The following SYNE2 variants were observed in gnomAD, a reference collection of about 807,000 sequenced individuals.
SYNE2 encodes spectrin repeat containing nuclear envelope protein 2.
Under a neutral mutation model 856.3 loss-of-function variants are expected in SYNE2, and 431 were observed. The ratio of observed to expected loss-of-function variants is 0.50; its 90% CI spans 0.47 to 0.55. The LOEUF (loss-of-function observed/expected upper bound fraction) is 0.55. Among genes scored for constraint, SYNE2 ranks in the 20% least tolerant of loss-of-function variants. The pLI is 0.00. For synonymous variants in SYNE2, 2,923 were observed against 2,872.3 expected, an observed-to-expected ratio of 1.02 and a Z score of -0.56; for missense variants, 8,129 against 8,023.2, an observed-to-expected ratio of 1.01 and a Z score of -0.50.
intron 103 of SYNE2, 105 bp from the exon 104 acceptor site, chr14:64,211,856 G>A: frequency 6.5e-7 from 1 of 1,536,634 alleles, no homozygotes; most frequent in Non-Finnish European, 9.0e-7. Context: ...ATTTCTCCCT[G>A]AGTATTCTGG....
At chr14:63,783,022 A>C (rs1805365403) in intron 1 of SYNE2, among the ~76,000 whole-genome samples, 1 of 152,120 alleles carries the variant, frequency 6.6e-6, no homozygotes, top group Admixed American at 6.5e-5. Context: ...TCCTGATAAA[A>C]TGCTTTAAGA....
At chr14:64,085,241 T>A (rs942892200) in intron 57 of SYNE2, among the ~76,000 whole-genome samples, 1 of 152,204 alleles carries the variant, frequency 6.6e-6, no homozygotes, top group East Asian at 1.9e-4. Context: ...CCTGGCTAAT[T>A]TCTAAATTTT....
intron 11 of SYNE2, among the ~76,000 whole-genome samples, chr14:63,976,057 T>C (rs2096540248): frequency 6.6e-6 from 1 of 152,132 alleles, no homozygotes; most frequent in Non-Finnish European, 1.5e-5. Flanking sequence ...GGAGGAGATG[T>C]ACTTGGATTT....
At chr14:64,221,816 G>C (rs2098695623) in intron 112 of SYNE2, 112 bp downstream of exon 112, 3 of 1,282,742 alleles carry the variant, frequency 2.3e-6, no homozygotes, top group Non-Finnish European at 3.4e-6. Flanking sequence ...AGTGGTGTTT[G>C]CCTGTAAATG....
At chr14:63,990,807 T>A (rs1055735020) in intron 20 of SYNE2, 135 bp from the exon 21 acceptor site, 1 of 806,954 alleles carries the variant, frequency 1.2e-6, no homozygotes. Context: ...GATTTATAAT[T>A]TAGATAGATT....
chr14:63,887,118 T>TA (rs1170189112), intron 1 of SYNE2, among the ~76,000 whole-genome samples: 2 of 152,122 alleles, frequency 1.3e-5, no homozygotes, highest in Non-Finnish European at 2.9e-5. Context: ...CCGTCTCTAC[T>TA]AAAAATACAA....
rs776756586 is a variant in SYNE2 at position 64,031,012 on chromosome 14, G to A, written c.6880-4G>A. 1.8e-5 allele frequency: 29 copies of A among 1,609,458 alleles called. No homozygotes were observed. The highest frequency in any genetic ancestry group is 5.5e-5 in the South Asian group (5 of 90,816). Reference sequence around the variant, plus strand: ...AGATATAACAATCTTTTCTCCACTCGTAGGAACTAGAGAATAGACTCAGTT... The same window carrying A: ...AGATATAACAATCTTTTCTCCACTCATAGGAACTAGAGAATAGACTCAGTT... On this transcript the variant is annotated splice_polypyrimidine_tract_variant and splice_region_variant and intron_variant, in intron 44 of 115. Transcript: ENST00000555002.
chr14:63,896,098 G>A (rs2095248253), intron 1 of SYNE2, among the ~76,000 whole-genome samples: 1 of 152,138 alleles, frequency 6.6e-6, no homozygotes, highest in Non-Finnish European at 1.5e-5. Context: ...CTAGAGATCG[G>A]CTGTAGCAGC....
At chr14:64,035,655 C>T (rs1206750744) in intron 45 of SYNE2, among the ~76,000 whole-genome samples, 1 of 151,618 alleles carries the variant, frequency 6.6e-6, no homozygotes, top group Non-Finnish European at 1.5e-5. Context: ...AATTGAAGTC[C>T]AGCAGAGCTG....
chr14:63,938,789 A>T (rs556313676), intron 2 of SYNE2, among the ~76,000 whole-genome samples: 238 of 152,292 alleles, frequency 1.6e-3, no homozygotes, highest in Non-Finnish European at 2.9e-3. Context: ...GATTTTGCTG[A>T]TGGCACACCA....
At position 64,212,955 on chromosome 14, in the gene SYNE2, G is replaced by A. The variant is rs776332118; in HGVS notation, c.19006G>A (p.Val6336Met). The change falls in exon 105 of 116, where the codon GTG becomes ATG. Residue 6336 changes from valine to methionine, a missense_variant. Physicochemically the swap from Val to Met is conservative, Grantham distance 21 (BLOSUM62 1). Around this residue, in one of 3 missense-constraint regions of SYNE2, gnomAD observed 5,410 missense variants for 5,284.8 expected, o/e 1.02. Transcript: ENST00000555002. ...LEELHRYCQE[V>M]FGRVSRFHRR... ...GGAACTCCACCGCTACTGCCAGGAG[G>A]TGTTTGGAAGGGTCTCCCGGTTCCA... 6.2e-7 allele frequency: 1 copy of A among 1,614,200 alleles called. No individual in the cohort carries two copies. Among genetic ancestry groups the A allele is most frequent in the Non-Finnish European group, 8.5e-7 (1 of 1,180,038 alleles).
intron 91 of SYNE2, 39 bp from the exon 92 acceptor site, chr14:64,167,456 A>G (rs1264038919): frequency 6.2e-7 from 1 of 1,614,110 alleles, no homozygotes; most frequent in African/African-American, 1.3e-5. Context: ...CGGGAATGGC[A>G]TTGTTAACAT....
At position 63,948,780 on chromosome 14, in the gene SYNE2, G is replaced by GTATA. The variant is rs1432911343; in HGVS notation, c.409-1044_409-1043insATAT. Among the ~76,000 whole-genome samples, 35 of 81,958 alleles carry GTATA rather than the reference G, an allele frequency of 4.3e-4. 1 individual carries two copies. The highest frequency in any genetic ancestry group is 1.1e-3 in the East Asian group (3 of 2,826). The allele number at this position is 81,958 out of a possible 152,430, so 53.8% of individuals were successfully genotyped here. ...TATATGTATATATATGTATGTGTGT[G>GTATA]TGTATATATATATATATATATATAT... is the stretch of plus-strand genomic sequence containing the variant. On this transcript the variant is annotated intron_variant, in intron 6 of 115. Coordinates refer to ENST00000555002, the MANE Select transcript of SYNE2 (RefSeq NM_182914.3).
chr14:63,923,479 C>T (rs1369769036), intron 2 of SYNE2, among the ~76,000 whole-genome samples: 1 of 152,232 alleles, frequency 6.6e-6, no homozygotes, highest in East Asian at 1.9e-4. Context: ...CAAACTCCTG[C>T]TCCCTCCTTC....
intron 57 of SYNE2, among the ~76,000 whole-genome samples, chr14:64,086,380 A>T (rs1210285023): frequency 6.6e-6 from 1 of 152,194 alleles, no homozygotes; most frequent in Admixed American, 6.5e-5. Flanking sequence ...TTTCACCAAT[A>T]TGACAGTCTT....
At chr14:63,783,094 A>G (rs1244428753) in intron 1 of SYNE2, among the ~76,000 whole-genome samples, 3 of 152,088 alleles carry the variant, frequency 2.0e-5, no homozygotes, top group Admixed American at 2.0e-4. Flanking sequence ...TGTAATCCCC[A>G]TAATCCTCTT....
intron 57 of SYNE2, among the ~76,000 whole-genome samples, chr14:64,085,775 A>G (rs1442752760): frequency 6.6e-6 from 1 of 152,108 alleles, no homozygotes; most frequent in Non-Finnish European, 1.5e-5. Flanking sequence ...AATTTTGAGC[A>G]TTTATTTATG....
chr14:64,155,243 A>C (rs1408245920), intron 85 of SYNE2, among the ~76,000 whole-genome samples: 2 of 152,182 alleles, frequency 1.3e-5, no homozygotes, highest in African/African-American at 4.8e-5. Flanking sequence ...GAATGTATAA[A>C]GAAAACGTGG....
intron 45 of SYNE2, among the ~76,000 whole-genome samples, chr14:64,037,879 GCCGGGCGGGGGGCTGA>G (rs1363356228): frequency 6.7e-6 from 1 of 149,966 alleles, no homozygotes; most frequent in Non-Finnish European, 1.5e-5. Context: ...GGGGCGGCTG[GCCGGGCGGGGGGCTGA>G]CCCCCAACCT....
Sources: allele counts gnomAD v4.1 joint callset (sites outside exome capture counted in the v4.1 genomes callset), GRCh38; gene constraint gnomAD v4.1.1; regional missense constraint gnomAD v4.1.1; transcripts MANE v1.5; gene names NCBI Gene and HGNC (gene_info 2026-07-23, HGNC 2026-07-21).